The following SLC35F3 variants were observed in gnomAD, a reference collection of about 807,000 sequenced individuals.
SLC35F3 encodes solute carrier family 35 member F3, also known as putative thiamine transporter SLC35F3.
A neutral mutation model predicts 49.9 loss-of-function variants in SLC35F3; 25 were observed. The observed-to-expected ratio is 0.50, with a 90% CI of 0.37 to 0.70. The LOEUF is 0.70. SLC35F3 is among the 30% of genes least tolerant of loss of function. The pLI, the probability that SLC35F3 is intolerant of heterozygous loss-of-function variation, is 0.00. For synonymous variants in SLC35F3, 275 were observed against 265.4 expected, an observed-to-expected ratio of 1.04 and a Z score of -0.35; for missense variants, 525 against 639.8, an observed-to-expected ratio of 0.82 and a Z score of 1.94.
chr1:234,128,253 C>A (rs1302604506), intron 2 of SLC35F3, among the ~76,000 whole-genome samples: 1 of 117,026 alleles, frequency 8.5e-6, no homozygotes, highest in Non-Finnish European at 2.2e-5. Context: ...TTTGATTTGG[C>A]TTCCAGCTGT....
At chr1:234,244,312 T>C (rs1667598285) in intron 3 of SLC35F3, among the ~76,000 whole-genome samples, 1 of 152,220 alleles carries the variant, frequency 6.6e-6, no homozygotes, top group African/African-American at 2.4e-5. Flanking sequence ...ATCATGTCCG[T>C]CTTGCTCACC....
At chr1:234,044,198 G>C (rs890175074) in intron 2 of SLC35F3, among the ~76,000 whole-genome samples, 7 of 152,284 alleles carry the variant, frequency 4.6e-5, no homozygotes, top group African/African-American at 1.7e-4. Flanking sequence ...CTTTGCCTTT[G>C]ACCTTCTTCC....
intron 2 of SLC35F3, among the ~76,000 whole-genome samples, chr1:234,139,951 T>TAATAAAAAATAAAATAAAATAA (rs1553308863): frequency 3.3e-5 from 3 of 90,562 alleles, no homozygotes; most frequent in Non-Finnish European, 4.6e-5. Flanking sequence ...CATCTCAAAA[T>TAATAAAAAATAAAATAAAATAA]AATAAAATAA....
rs1031909172 is a variant in SLC35F3 at position 234,265,916 on chromosome 1, A to G, written c.608+34175A>G. Among the ~76,000 whole-genome samples the G allele has an allele frequency of 9.2e-5, 14 of 151,982 alleles. No individual in the cohort carries two copies. In the South Asian group the frequency reaches 2.9e-3, roughly 32 times the overall value. ...TGCCCTTTGTGTTTGCTCTTCCTCCATGGCTCTTCCCATGACGTCTGCAGG... is the reference window on the plus strand; with the variant it reads ...TGCCCTTTGTGTTTGCTCTTCCTCCGTGGCTCTTCCCATGACGTCTGCAGG... On this transcript the variant is annotated intron_variant, in intron 3 of 7. Transcript: ENST00000366618.
intron 2 of SLC35F3, among the ~76,000 whole-genome samples, chr1:234,147,724 G>A (rs1666019023): frequency 6.6e-6 from 1 of 152,186 alleles, no homozygotes; most frequent in African/African-American, 2.4e-5. Flanking sequence ...CCCACTTTTG[G>A]TCCCTACCAC....
Position 233,905,683 on chromosome 1 carries a change from C to T in SLC35F3, c.208C>T (p.Leu70Phe), listed in dbSNP as rs373371329. The change falls in exon 2 of 8, where the codon CTC becomes TTC. Residue 70 changes from leucine to phenylalanine, a missense_variant. Leu to Phe is a conservative substitution (Grantham distance 22). Coordinates refer to ENST00000366618, the MANE Select transcript of SLC35F3 (RefSeq NM_173508.4). Reference protein sequence around the residue: ...VEDLTSGPVGLTSIEERILRI... With the variant: ...VEDLTSGPVGFTSIEERILRI... ...GGATCTCACCAGCGGGCCGGTGGGG[C>T]TCACGTCCATCGAGGAGCGGATCCT... The T allele has an allele frequency of 1.2e-5, 20 of 1,614,104 alleles. No homozygotes were observed. Among genetic ancestry groups the T allele is most frequent in the Non-Finnish European group, 1.4e-5 (17 of 1,180,056 alleles).
intron 2 of SLC35F3, among the ~76,000 whole-genome samples, chr1:234,143,773 AT>A (rs1665955418): frequency 6.6e-6 from 1 of 152,228 alleles, no homozygotes; most frequent in Admixed American, 6.5e-5. Context: ...ATTGATAAAC[AT>A]TTAGGTTTAT....
intron 2 of SLC35F3, among the ~76,000 whole-genome samples, chr1:233,913,698 G>A (rs977752198): frequency 1.3e-5 from 2 of 152,194 alleles, no homozygotes; most frequent in Non-Finnish European, 2.9e-5. Flanking sequence ...CTGTAGGGTC[G>A]TCCAGAATTA....
intron 3 of SLC35F3, among the ~76,000 whole-genome samples, chr1:234,236,296 G>A (rs1311657895): frequency 1.3e-5 from 2 of 152,014 alleles, no homozygotes; most frequent in Admixed American, 6.6e-5. Context: ...CTAAAAATTA[G>A]CCAGGCGTGA....
chr1:234,273,443 C>A (rs532086351), intron 3 of SLC35F3, among the ~76,000 whole-genome samples: 33 of 152,322 alleles, frequency 2.2e-4, no homozygotes, highest in African/African-American at 7.2e-4. Context: ...GTCCTGCCCC[C>A]CTATCTGGAG....
At chr1:234,174,455 C>T (rs1056612400) in intron 2 of SLC35F3, among the ~76,000 whole-genome samples, 3 of 152,196 alleles carry the variant, frequency 2.0e-5, no homozygotes, top group Non-Finnish European at 2.9e-5. Context: ...GTGCCAGGCA[C>T]GATTTTATGC....
chr1:234,306,537 A>G (rs892508475), intron 3 of SLC35F3: 1 of 152,622 alleles, frequency 6.6e-6, no homozygotes, highest in Non-Finnish European at 1.5e-5. Flanking sequence ...TGGTCTCAAA[A>G]TATCACAAAG....
At chr1:234,159,967 G>A (rs951428096) in intron 2 of SLC35F3, among the ~76,000 whole-genome samples, 1 of 152,084 alleles carries the variant, frequency 6.6e-6, no homozygotes, top group African/African-American at 2.4e-5. Context: ...ACCTACTTGA[G>A]GACAATGGGG....
intron 2 of SLC35F3, among the ~76,000 whole-genome samples, chr1:234,230,367 G>A (rs1433519217): frequency 6.6e-6 from 1 of 152,074 alleles, no homozygotes; most frequent in Non-Finnish European, 1.5e-5. Flanking sequence ...GAGAAAGCAC[G>A]TTTGACCCCA....
chr1:234,296,178 C>A (rs530841429), intron 3 of SLC35F3, among the ~76,000 whole-genome samples: 6 of 152,292 alleles, frequency 3.9e-5, no homozygotes, highest in African/African-American at 1.4e-4. Context: ...AGAAGGTTGA[C>A]ACTTTCCTGA....
At chr1:233,922,077 A>G (rs913792051) in intron 2 of SLC35F3, among the ~76,000 whole-genome samples, 6 of 152,118 alleles carry the variant, frequency 3.9e-5, no homozygotes, top group Non-Finnish European at 8.8e-5. Context: ...AGTCTTTGCT[A>G]TTGTGAATAG....
At position 234,265,023 on chromosome 1, in the gene SLC35F3, TG is replaced by T. The variant is rs1247463899; in HGVS notation, c.608+33283del. 2.0e-5 allele frequency among the ~76,000 whole-genome samples: 3 copies of T among 152,172 alleles called. No individual in the cohort carries two copies. In the East Asian group the frequency reaches 5.8e-4, roughly 29 times the overall value. The stretch of plus-strand genomic sequence containing the variant: ...GTCCAGGGCCCCACGCTCAGTCCTT[TG>T]TCCTCTCCTCTGCAGTGTCTACGCT... On this transcript the variant is annotated intron_variant, in intron 3 of 7. Coordinates refer to ENST00000366618, the MANE Select transcript of SLC35F3 (RefSeq NM_173508.4).
At chr1:234,258,549 C>T (rs1250614525) in intron 3 of SLC35F3, among the ~76,000 whole-genome samples, 1 of 152,212 alleles carries the variant, frequency 6.6e-6, no homozygotes, top group Non-Finnish European at 1.5e-5. Flanking sequence ...TGTGACCTTT[C>T]ATTAGTTTTA....
chr1:234,147,245 T>G (rs1666012176), intron 2 of SLC35F3, among the ~76,000 whole-genome samples: 1 of 134,454 alleles, frequency 7.4e-6, no homozygotes, highest in African/African-American at 3.2e-5. Flanking sequence ...TTTTTTTTTT[T>G]TGTCCTGTTG....
Sources: allele counts gnomAD v4.1 joint callset (sites outside exome capture counted in the v4.1 genomes callset), GRCh38; gene constraint gnomAD v4.1.1; transcripts MANE v1.5; gene names NCBI Gene and HGNC (gene_info 2026-07-23, HGNC 2026-07-21).